PTPRD: variants seen among roughly 807,000 people sequenced by gnomAD.
PTPRD encodes the protein protein tyrosine phosphatase receptor type D, also known as receptor-type tyrosine-protein phosphatase delta.
A neutral mutation model predicts 214.5 loss-of-function variants in PTPRD; 34 were observed. The ratio of observed to expected loss-of-function variants is 0.16; its 90% CI spans 0.12 to 0.21. The LOEUF is 0.21. Among genes scored for constraint, PTPRD ranks in the 10% least tolerant of loss-of-function variants. The pLI, the probability that PTPRD is intolerant of heterozygous loss-of-function variation, is 1.00. For synonymous variants in PTPRD, 1,128 were observed against 845.7 expected, an observed-to-expected ratio of 1.33 and a Z score of -5.79; for missense variants, 2,545 against 2,398.7, an observed-to-expected ratio of 1.06 and a Z score of -1.27.
chr9:10,066,116 T>C (rs549982032), intron 3 of PTPRD, among the ~76,000 whole-genome samples: 1 of 152,064 alleles, frequency 6.6e-6, no homozygotes, highest in East Asian at 1.9e-4. Flanking sequence ...AGTGGATGGT[T>C]GGTCTTTTTG....
chr9:9,490,948 T>G (rs2095867745), intron 8 of PTPRD, among the ~76,000 whole-genome samples: 1 of 127,904 alleles, frequency 7.8e-6, no homozygotes, highest in South Asian at 2.8e-4. Context: ...ACTGTCTAAA[T>G]GAACTATAAT....
At position 9,825,811 on chromosome 9, in the gene PTPRD, G is replaced by A. The variant is rs369016573; in HGVS notation, c.-367-58960C>T. On this transcript the variant is annotated intron_variant, in intron 5 of 45. Coordinates refer to ENST00000381196, the MANE Select transcript of PTPRD (RefSeq NM_002839.4). ...TTACCACATTTTCTTCAAAAATTGG[G>A]TTTATATTTTTAAAATTATAATTTT... 1.6e-4 allele frequency among the ~76,000 whole-genome samples: 24 copies of A among 151,614 alleles called. No homozygotes were observed. The East Asian group carries it at 2.9e-3, about 18-fold the overall frequency.
At chr9:9,417,868 G>A (rs1277742530) in intron 8 of PTPRD, among the ~76,000 whole-genome samples, 1 of 152,016 alleles carries the variant, frequency 6.6e-6, no homozygotes, top group Non-Finnish European at 1.5e-5. Flanking sequence ...CAAATATAAT[G>A]TGAAATCATT....
chr9:8,788,001 G>A (rs183515125), intron 11 of PTPRD, among the ~76,000 whole-genome samples: 1 of 152,044 alleles, frequency 6.6e-6, no homozygotes, highest in Admixed American at 6.6e-5. Flanking sequence ...TAAAAGATTT[G>A]CTAACTTTGA....
chr9:8,405,061 G>A (rs1336732765), intron 35 of PTPRD, among the ~76,000 whole-genome samples: 4 of 152,116 alleles, frequency 2.6e-5, no homozygotes. Flanking sequence ...CTGGACCTAA[G>A]CTGAGTCTTT....
At chr9:8,816,840 T>C (rs2096929501) in intron 11 of PTPRD, among the ~76,000 whole-genome samples, 1 of 152,174 alleles carries the variant, frequency 6.6e-6, no homozygotes, top group South Asian at 2.1e-4. Context: ...TACAAGCCCT[T>C]TCCAAAAATA....
At chr9:9,299,131 G>A (rs1182713966) in intron 9 of PTPRD, among the ~76,000 whole-genome samples, 1 of 151,718 alleles carries the variant, frequency 6.6e-6, no homozygotes, top group Admixed American at 6.6e-5. Flanking sequence ...CAAATATAGG[G>A]AGGTGAACGG....
intron 7 of PTPRD, among the ~76,000 whole-genome samples, chr9:9,610,198 G>A (rs192203704): frequency 6.6e-6 from 1 of 152,208 alleles, no homozygotes; most frequent in East Asian, 1.9e-4. Context: ...CGTAATAAGA[G>A]CCACGATGAA....
At chr9:9,527,540 C>CATT (rs1476213340) in intron 8 of PTPRD, among the ~76,000 whole-genome samples, 4 of 152,112 alleles carry the variant, frequency 2.6e-5, no homozygotes, top group African/African-American at 9.7e-5. Context: ...AAACTTCTTG[C>CATT]ATTATTTTCT....
At chr9:9,333,891 G>A (rs1161630664) in intron 9 of PTPRD, among the ~76,000 whole-genome samples, 1 of 151,854 alleles carries the variant, frequency 6.6e-6, no homozygotes, top group Non-Finnish European at 1.5e-5. Flanking sequence ...AACACCTAAT[G>A]CTAAAGAGAA....
chr9:8,416,326 C>T (rs1158180831), intron 35 of PTPRD, among the ~76,000 whole-genome samples: 2 of 151,968 alleles, frequency 1.3e-5, no homozygotes, highest in Non-Finnish European at 2.9e-5. Context: ...CATATAAAAA[C>T]CTAGAATGTT....
rs150855607 is a variant in PTPRD, at chr9:9,186,089, T to A, written c.-202-2726A>T. On this transcript the variant is annotated intron_variant, in intron 9 of 45. Coordinates refer to ENST00000381196, the MANE Select transcript of PTPRD (RefSeq NM_002839.4). ...TTAAAAATGGCAAATTATTAAGAAG[T>A]CCCATTTTATTTTCTGGAGATTGAG... 5.9e-5 allele frequency among the ~76,000 whole-genome samples: 9 copies of A among 152,202 alleles called. No individual in the cohort carries two copies. In the East Asian group the frequency reaches 1.7e-3, roughly 29 times the overall value.
chr9:10,371,284 T>C (rs932029575), intron 2 of PTPRD, among the ~76,000 whole-genome samples: 9 of 152,016 alleles, frequency 5.9e-5, no homozygotes, highest in Non-Finnish European at 1.0e-4. Context: ...CAATATAGTA[T>C]AGTGACATAA....
chr9:9,943,075 G>A (rs576120919), intron 4 of PTPRD, among the ~76,000 whole-genome samples: 1 of 152,024 alleles, frequency 6.6e-6, no homozygotes, highest in African/African-American at 2.4e-5. Flanking sequence ...GTCTTACATA[G>A]GCTGTTAGCC....
At chr9:10,130,047 T>A (rs111520856) in intron 3 of PTPRD, among the ~76,000 whole-genome samples, 2,874 of 148,292 alleles carry the variant, frequency 0.019, 94 homozygotes, top group African/African-American at 0.065. Flanking sequence ...ATAGTTTGAT[T>A]TGTTTTTTTG....
At chr9:10,511,322 T>C (rs2047935224) in intron 2 of PTPRD, among the ~76,000 whole-genome samples, 1 of 152,158 alleles carries the variant, frequency 6.6e-6, no homozygotes, top group South Asian at 2.1e-4. Flanking sequence ...GGTGTATCTT[T>C]AATGTTACTA....
intron 5 of PTPRD, among the ~76,000 whole-genome samples, chr9:9,876,685 T>G (rs1477579260): frequency 6.6e-6 from 1 of 152,170 alleles, no homozygotes; most frequent in Admixed American, 6.6e-5. Flanking sequence ...TATTTGTCAT[T>G]TTGGGAGCTC....
chr9:8,896,415 T>A (rs1018221941), intron 11 of PTPRD, among the ~76,000 whole-genome samples: 2 of 152,134 alleles, frequency 1.3e-5, no homozygotes, highest in East Asian at 3.9e-4. Context: ...CTAATATAGA[T>A]GGCAGAAATT....
chr9:9,406,292 C>T (rs761125479), intron 8 of PTPRD, among the ~76,000 whole-genome samples: 3 of 151,936 alleles, frequency 2.0e-5, no homozygotes, highest in Non-Finnish European at 4.4e-5. Context: ...TCTTTTGTCT[C>T]TGTCTTTCAC....
Sources: allele counts gnomAD v4.1 joint callset (sites outside exome capture counted in the v4.1 genomes callset), GRCh38; gene constraint gnomAD v4.1.1; transcripts MANE v1.5; gene names NCBI Gene and HGNC (gene_info 2026-07-23, HGNC 2026-07-21).